Variants in PCDHA9 observed in about 807,000 individuals in gnomAD.
PCDHA9 encodes the protein protocadherin alpha 9.
In PCDHA9, 62 loss-of-function variants were observed where a neutral mutation model predicts 62.0. That is an observed-to-expected ratio of 1.00 (90% confidence interval 0.81 to 1.23). PCDHA9 has a LOEUF of 1.23. Ranked by LOEUF, PCDHA9 falls within the 50% of genes most tolerant of loss-of-function variation. The probability of loss-of-function intolerance (pLI) is 0.00; values close to 1 mark genes in which losing one functional copy is unlikely to be tolerated. For missense variants in PCDHA9, 1,205 were observed against 1,249.8 expected (o/e 0.96, Z 0.54); for synonymous variants, 557 against 567.6 (o/e 0.98, Z 0.27).
At position 140,875,429 on chromosome 5, in the gene PCDHA9, C is replaced by T. The variant is rs781965482; in HGVS notation, c.2394+24540C>T. ...CATAAAATACCTCAGGCAAGCGATCCCTTAAAACTGATTGTCCCAACTCAG... is the reference window on the plus strand; with the variant it reads ...CATAAAATACCTCAGGCAAGCGATCTCTTAAAACTGATTGTCCCAACTCAG... On this transcript the variant is annotated intron_variant, in intron 1 of 3. Transcript: ENST00000532602. The T allele has an allele frequency of 1.9e-6, 3 of 1,551,972 alleles. No homozygotes were observed. In the Admixed American group the frequency reaches 6.1e-5, roughly 32 times the overall value.
intron 1 of PCDHA9, chr5:140,875,365 A>T: frequency 6.9e-7 from 1 of 1,449,394 alleles, no homozygotes; most frequent in Non-Finnish European, 9.1e-7. Context: ...TGCTGGAAAA[A>T]ATTTACTAAA....
At chr5:141,002,133 C>T (rs1172462824) in intron 3 of PCDHA9, among the ~76,000 whole-genome samples, 2 of 152,248 alleles carry the variant, frequency 1.3e-5, no homozygotes, top group African/African-American at 4.8e-5. Context: ...ATAGCCTTTG[C>T]CGGCTGCACT....
chr5:140,883,954 T>A (rs2059908896), intron 1 of PCDHA9: 1 of 1,612,680 alleles, frequency 6.2e-7, no homozygotes, highest in Non-Finnish European at 8.5e-7. Flanking sequence ...ACGACAACGC[T>A]CCGGCGCTGC....
At chr5:140,863,157 C>G in intron 1 of PCDHA9, 1 of 638,958 alleles carries the variant, frequency 1.6e-6, no homozygotes, top group South Asian at 1.4e-5. Flanking sequence ...AGGACCACTG[C>G]GAGCTGGCGC....
intron 1 of PCDHA9, among the ~76,000 whole-genome samples, chr5:140,941,211 C>CTCT (rs2092852939): frequency 7.7e-6 from 1 of 129,628 alleles, no homozygotes; most frequent in East Asian, 2.4e-4. Context: ...TCCTTTCTTT[C>CTCT]TTCCTTTCTT....
At chr5:140,899,702 G>A (rs2067498720) in intron 1 of PCDHA9, among the ~76,000 whole-genome samples, 1 of 152,228 alleles carries the variant, frequency 6.6e-6, no homozygotes, top group African/African-American at 2.4e-5. Flanking sequence ...CATAAAATGA[G>A]TTAGGGAGGA....
At chr5:140,893,119 C>T (rs2063831505) in intron 1 of PCDHA9, among the ~76,000 whole-genome samples, 1 of 152,174 alleles carries the variant, frequency 6.6e-6, no homozygotes, top group Admixed American at 6.5e-5. Context: ...TGTGCATATA[C>T]ACCACATTTT....
intron 3 of PCDHA9, among the ~76,000 whole-genome samples, chr5:140,998,936 A>G (rs1328813980): frequency 6.6e-5 from 10 of 152,246 alleles, no homozygotes; most frequent in African/African-American, 2.4e-4. Flanking sequence ...TTACAGATGA[A>G]GAAACTGTAA....
At chr5:140,968,245 C>T (rs2096233117) in intron 1 of PCDHA9, 2 of 1,614,038 alleles carry the variant, frequency 1.2e-6, no homozygotes, top group Non-Finnish European at 1.7e-6. Flanking sequence ...CTGTGCAAGC[C>T]ACAGACCCAG....
intron 3 of PCDHA9, among the ~76,000 whole-genome samples, chr5:141,005,308 T>TA (rs2098205734): frequency 6.6e-6 from 1 of 152,214 alleles, no homozygotes; most frequent in Non-Finnish European, 1.5e-5. Context: ...TTGTGAATCT[T>TA]ACAGTGGTAG....
intron 1 of PCDHA9, among the ~76,000 whole-genome samples, chr5:140,977,466 T>A (rs1554238584): frequency 2.0e-5 from 3 of 152,246 alleles, no homozygotes; most frequent in African/African-American, 4.8e-5. Context: ...ATTTGGTCTG[T>A]AGATAATTTT....
chr5:140,875,946 T>C, intron 1 of PCDHA9: 1 of 1,614,222 alleles, frequency 6.2e-7, no homozygotes, highest in Admixed American at 1.7e-5. Context: ...AGGGCGCTTC[T>C]GATGCGGATA....
In PCDHA9 at chr5:141,011,833, C is replaced by T. The variant is rs1223674434; in HGVS notation, c.*1896C>T. 6.5e-6 allele frequency: 1 copy of T among 153,366 alleles called. No individual in the cohort carries two copies. Among genetic ancestry groups the T allele is most frequent in the Non-Finnish European group, 1.5e-5 (1 of 67,994 alleles). 9.5% of individuals were successfully genotyped at this position (153,366 alleles called of 1,614,324 possible). On this transcript the variant is annotated 3_prime_UTR_variant, in exon 4 of 4. Transcript: ENST00000532602. ...TAGAAAGTAACAAAATTTGCTGTCA[C>T]CTTAAATAAGACATTTTAATTTTGT...
chr5:140,923,139 A>G (rs1213586565), intron 1 of PCDHA9, among the ~76,000 whole-genome samples: 3 of 152,188 alleles, frequency 2.0e-5, no homozygotes, highest in Non-Finnish European at 2.9e-5. Context: ...TGAAGGTGGA[A>G]TATAAAAAAA....
chr5:141,009,594 C>G, intron 3 of PCDHA9, 33 bp from the exon 4 acceptor site: 1 of 1,602,468 alleles, frequency 6.2e-7, no homozygotes, highest in Non-Finnish European at 8.5e-7. Context: ...ATGTGTTGAC[C>G]CTGTTAATGA....
In PCDHA9 at chr5:140,857,546, G is replaced by A. The variant is rs1554150192; in HGVS notation, c.2394+6657G>A. 8 of 1,596,870 alleles carry A rather than the reference G, an allele frequency of 5.0e-6. 2 individuals carry two copies. In the Admixed American group the frequency reaches 8.4e-5, roughly 17 times the overall value. On this transcript the variant is annotated intron_variant, in intron 1 of 3. Coordinates refer to ENST00000532602, the MANE Select transcript of PCDHA9 (RefSeq NM_031857.2). ...CTCTCTGGTGGAGCGGCGGTTGGGC[G>A]AGCGCTCGCTGTCGAGCTACGTGTC...
chr5:140,923,459 G>T (rs549692824), intron 1 of PCDHA9, among the ~76,000 whole-genome samples: 6 of 152,192 alleles, frequency 3.9e-5, no homozygotes, highest in Admixed American at 3.9e-4. Flanking sequence ...GCCCAGAGAG[G>T]TAGGGGCTGC....
intron 1 of PCDHA9, among the ~76,000 whole-genome samples, chr5:140,974,994 A>G (rs901871984): frequency 6.6e-6 from 1 of 152,126 alleles, no homozygotes; most frequent in South Asian, 2.1e-4. Context: ...AGGTATTCTC[A>G]AGGCTGAAAT....
In PCDHA9 at chr5:140,992,699, T is replaced by A. The variant is rs149489820; in HGVS notation, c.2542+10136T>A. Among the ~76,000 whole-genome samples the A allele has an allele frequency of 7.6e-3, 1,153 of 152,282 alleles. 6 individuals carry two copies. The highest frequency in any genetic ancestry group is 0.014 in the Middle Eastern group (4 of 294). On this transcript the variant is annotated intron_variant, in intron 3 of 3. Transcript: ENST00000532602. ...GTGTTAGGGGTTGAGGGGTGGGTAA[T>A]GTTCCTGCCAGTATTCGTAAATCCC...
Sources: allele counts gnomAD v4.1 joint callset (sites outside exome capture counted in the v4.1 genomes callset), GRCh38; gene constraint gnomAD v4.1.1; transcripts MANE v1.5; gene names NCBI Gene and HGNC (gene_info 2026-07-23, HGNC 2026-07-21).